NRF1: variants seen among roughly 807,000 people sequenced by gnomAD.
NRF1 encodes the protein alpha palindromic-binding protein.
A neutral mutation model predicts 58.5 loss-of-function variants in NRF1; 5 were observed. That is an observed-to-expected ratio of 0.09 (90% CI 0.04 to 0.18). The LOEUF (loss-of-function observed/expected upper bound fraction) is 0.18. Among genes scored for constraint, NRF1 ranks in the 10% least tolerant of loss-of-function variants. NRF1 has a pLI of 1.00. For missense variants in NRF1, 288 were observed against 657.7 expected, an observed-to-expected ratio of 0.44 and a Z score of 6.15; for synonymous variants, 224 against 246.7, an observed-to-expected ratio of 0.91 and a Z score of 0.86.
chr7:129,652,144 G>T lies in NRF1; in HGVS notation c.-6-5202G>T, dbSNP rs550101283. On this transcript the variant is annotated intron_variant, in intron 1 of 10. Transcript: ENST00000393232. Reference sequence around the variant, plus strand: ...GGATTTTAGAATCAAAAGATCTCAAGATGGAGAAAGACTTCTATAGTAGAG... The same window carrying T: ...GGATTTTAGAATCAAAAGATCTCAATATGGAGAAAGACTTCTATAGTAGAG... Among the ~76,000 whole-genome samples, 5 of 152,320 alleles carry T rather than the reference G, an allele frequency of 3.3e-5. No homozygotes were observed. The South Asian group carries it at 8.3e-4, about 25-fold the overall frequency.
At chr7:129,664,978 T>C (rs899532669) in intron 2 of NRF1, among the ~76,000 whole-genome samples, 1 of 152,030 alleles carries the variant, frequency 6.6e-6, no homozygotes, top group Admixed American at 6.6e-5. Context: ...GTAAAATAAT[T>C]TGAGAAAGCA....
intron 10 of NRF1, among the ~76,000 whole-genome samples, chr7:129,742,614 TTAAA>T (rs1399423050): frequency 6.6e-6 from 1 of 152,204 alleles, no homozygotes; most frequent in Non-Finnish European, 1.5e-5. Flanking sequence ...AACCTGTGAC[TTAAA>T]TAAGGGAAAT....
chr7:129,683,931 C>G (rs1802387136), intron 4 of NRF1, among the ~76,000 whole-genome samples: 1 of 152,040 alleles, frequency 6.6e-6, no homozygotes, highest in Non-Finnish European at 1.5e-5. Context: ...CCCCTCCTGG[C>G]TGGAAATTTT....
chr7:129,614,072 A>G (rs1308975479), intron 1 of NRF1, among the ~76,000 whole-genome samples: 3 of 152,152 alleles, frequency 2.0e-5, no homozygotes, highest in Non-Finnish European at 4.4e-5. Context: ...TAACAAAGAA[A>G]AGTTCTTATC....
intron 1 of NRF1, among the ~76,000 whole-genome samples, chr7:129,614,424 T>G (rs1439514282): frequency 2.0e-5 from 3 of 150,914 alleles, no homozygotes; most frequent in South Asian, 4.2e-4. Flanking sequence ...CCCAATAATT[T>G]TCTTATAAAA....
At chr7:129,625,639 T>A (rs984147727) in intron 1 of NRF1, among the ~76,000 whole-genome samples, 2 of 151,044 alleles carry the variant, frequency 1.3e-5, no homozygotes, top group African/African-American at 4.9e-5. Flanking sequence ...TAGCTGGGAC[T>A]GCAGGCATGT....
chr7:129,708,422 T>G (rs1358949006), intron 5 of NRF1, among the ~76,000 whole-genome samples: 1 of 152,240 alleles, frequency 6.6e-6, no homozygotes, highest in Non-Finnish European at 1.5e-5. Context: ...ACACATGCTT[T>G]ACTATGTCTA....
At chr7:129,724,515 C>T (rs1008069226) in intron 9 of NRF1, among the ~76,000 whole-genome samples, 2 of 152,176 alleles carry the variant, frequency 1.3e-5, no homozygotes, top group Non-Finnish European at 2.9e-5. Flanking sequence ...TATGTTGCAG[C>T]AAATCCACTT....
At chr7:129,734,641 C>T (rs1383423483) in intron 10 of NRF1, among the ~76,000 whole-genome samples, 2 of 152,164 alleles carry the variant, frequency 1.3e-5, no homozygotes, top group African/African-American at 4.8e-5. Flanking sequence ...GCCAGAGGAG[C>T]CGACAGGTCT....
At chr7:129,661,930 A>T (rs955828219) in intron 2 of NRF1, among the ~76,000 whole-genome samples, 2 of 150,922 alleles carry the variant, frequency 1.3e-5, no homozygotes, top group Admixed American at 6.6e-5. Flanking sequence ...GTGGACTTAC[A>T]GATCTATGTG....
At chr7:129,614,200 C>T (rs1393382464) in intron 1 of NRF1, among the ~76,000 whole-genome samples, 1 of 152,188 alleles carries the variant, frequency 6.6e-6, no homozygotes, top group African/African-American at 2.4e-5. Flanking sequence ...ACTGCAACAT[C>T]TGCCTCCTGG....
At chr7:129,663,776 A>C (rs551713295) in intron 2 of NRF1, among the ~76,000 whole-genome samples, 190 of 152,214 alleles carry the variant, frequency 1.2e-3, no homozygotes, top group African/African-American at 4.1e-3. Flanking sequence ...CAAGGCAGGC[A>C]GCTGGGAGGT....
At position 129,683,794 on chromosome 7, in the gene NRF1, G is replaced by A. The variant is rs532699343; in HGVS notation, c.465+6036G>A. ...ATTACAGGCTCCTGCCACCATGCCC[G>A]GCTAATTTTTGTATTTTTACTAGAG... On this transcript the variant is annotated intron_variant, in intron 4 of 10. Coordinates refer to ENST00000393232, the MANE Select transcript of NRF1 (RefSeq NM_005011.5). 7.3e-5 allele frequency among the ~76,000 whole-genome samples: 11 copies of A among 150,790 alleles called. No homozygotes were observed. In the East Asian group the frequency reaches 9.8e-4, roughly 13 times the overall value.
chr7:129,722,622 T>G (rs1323402328), intron 9 of NRF1, among the ~76,000 whole-genome samples: 1 of 152,114 alleles, frequency 6.6e-6, no homozygotes. Context: ...CATTCCAGAT[T>G]GTTTTAGGTT....
intron 1 of NRF1, among the ~76,000 whole-genome samples, chr7:129,637,013 A>G (rs1303485837): frequency 6.6e-6 from 1 of 152,168 alleles, no homozygotes; most frequent in African/African-American, 2.4e-5. Context: ...TGACCCACAG[A>G]CCAGTCAATA....
intron 1 of NRF1, among the ~76,000 whole-genome samples, chr7:129,656,313 T>C (rs573893505): frequency 2.6e-4 from 40 of 152,274 alleles, no homozygotes; most frequent in African/African-American, 8.9e-4. Flanking sequence ...AGATCTGTTA[T>C]GTTTTGACAT....
At chr7:129,625,599 C>T (rs961427945) in intron 1 of NRF1, among the ~76,000 whole-genome samples, 6 of 151,374 alleles carry the variant, frequency 4.0e-5, no homozygotes, top group Non-Finnish European at 2.9e-5. Context: ...CTCCTGGGCT[C>T]GGGCAGTCTT....
At chr7:129,622,581 T>TC in intron 1 of NRF1, among the ~76,000 whole-genome samples, 1 of 151,258 alleles carries the variant, frequency 6.6e-6, no homozygotes, top group East Asian at 1.9e-4. Context: ...CTTTTTTTTT[T>TC]TTTTTTGAGA....
chr7:129,635,260 GTTAA>G (rs1562955310), intron 1 of NRF1, among the ~76,000 whole-genome samples: 1 of 152,164 alleles, frequency 6.6e-6, no homozygotes, highest in Non-Finnish European at 1.5e-5. Context: ...TTTGTAATTT[GTTAA>G]TTATAGGGCA....
Sources: allele counts gnomAD v4.1 joint callset (sites outside exome capture counted in the v4.1 genomes callset), GRCh38; gene constraint gnomAD v4.1.1; transcripts MANE v1.5; gene names NCBI Gene and HGNC (gene_info 2026-07-23, HGNC 2026-07-21).